The following LIN9 variants were observed in gnomAD, a reference collection of about 807,000 sequenced individuals.
LIN9 encodes the protein lin-9 DREAM MuvB core complex component, also known as protein lin-9 homolog.
LIN9 carries 18 observed loss-of-function variants against 78.0 expected under a neutral mutation model. The ratio of observed to expected loss-of-function variants is 0.23; its 90% CI spans 0.16 to 0.34. The LOEUF is 0.34. Among genes scored for constraint, LIN9 ranks in the 10% least tolerant of loss-of-function variants. LIN9 has a pLI of 1.00. For synonymous variants in LIN9, 192 were observed against 215.2 expected (o/e 0.89, Z 0.94); for missense variants, 451 against 644.1 (o/e 0.70, Z 3.25).
At chr1:226,263,693 T>C (rs1229580612) in intron 10 of LIN9, among the ~76,000 whole-genome samples, 2 of 152,208 alleles carry the variant, frequency 1.3e-5, no homozygotes, top group Non-Finnish European at 2.9e-5. Flanking sequence ...TTTGCTCTTA[T>C]CACATTTTCA....
At chr1:226,270,034 T>C (rs1660166682) in intron 7 of LIN9, among the ~76,000 whole-genome samples, 1 of 152,138 alleles carries the variant, frequency 6.6e-6, no homozygotes, top group South Asian at 2.1e-4. Flanking sequence ...GTGATTCTCC[T>C]GCCTCAGCCT....
Position 226,297,855 on chromosome 1 carries a change from C to T in LIN9, c.65-42G>A, listed in dbSNP as rs201936508. 2.0e-4 allele frequency: 228 copies of T among 1,131,238 alleles called. No homozygotes were observed. The African/African-American group carries it at 3.3e-3, about 16-fold the overall frequency. 70.1% of individuals were successfully genotyped at this position (1,131,238 alleles called of 1,614,324 possible). A position where few individuals can be genotyped will look rare whatever the true frequency, so the allele number is the denominator to read the frequency against. On this transcript the variant is annotated intron_variant, in intron 2 of 14. Transcript: ENST00000681046. ...ATACTAATGGAATTTTGGCTTAGTT[C>T]AAAGGATTTCATACCATGAATACTG... is the stretch of plus-strand genomic sequence containing the variant.
chr1:226,306,434 G>A (rs1027479708), intron 1 of LIN9, among the ~76,000 whole-genome samples: 9 of 152,202 alleles, frequency 5.9e-5, no homozygotes, highest in African/African-American at 2.2e-4. Context: ...AGAAGTATCT[G>A]TCCTGGGGTA....
chr1:226,260,256 T>C (rs549841873), intron 10 of LIN9, among the ~76,000 whole-genome samples: 146 of 152,284 alleles, frequency 9.6e-4, no homozygotes, highest in Non-Finnish European at 1.6e-3. Flanking sequence ...TACTAAACAT[T>C]TGAGGAAGAA....
At chr1:226,240,672 A>G (rs1466519927) in intron 11 of LIN9, among the ~76,000 whole-genome samples, 1 of 151,840 alleles carries the variant, frequency 6.6e-6, no homozygotes, top group East Asian at 1.9e-4. Flanking sequence ...TACAGGTGTG[A>G]GCCACCGCGC....
chr1:226,289,593 C>T (rs1166353417), intron 4 of LIN9, among the ~76,000 whole-genome samples: 1 of 152,034 alleles, frequency 6.6e-6, no homozygotes, highest in Non-Finnish European at 1.5e-5. Context: ...AACTCCTGGG[C>T]TCAAGCGATC....
At chr1:226,246,057 A>T (rs535961075) in intron 11 of LIN9, among the ~76,000 whole-genome samples, 20 of 152,222 alleles carry the variant, frequency 1.3e-4, no homozygotes, top group Non-Finnish European at 2.6e-4. Context: ...TCTATACTTT[A>T]AGTGCCACAA....
intron 3 of LIN9, among the ~76,000 whole-genome samples, chr1:226,296,676 C>T (rs1045917748): frequency 5.3e-5 from 8 of 152,072 alleles, no homozygotes; most frequent in African/African-American, 1.2e-4. Context: ...CAGGTGCAGG[C>T]GGCTAACAAC....
At chr1:226,243,648 A>T (rs897343450) in intron 11 of LIN9, among the ~76,000 whole-genome samples, 1 of 142,758 alleles carries the variant, frequency 7.0e-6, no homozygotes, top group Non-Finnish European at 1.5e-5. Context: ...GTAAGCCAAG[A>T]TTACAGCACT....
intron 3 of LIN9, among the ~76,000 whole-genome samples, chr1:226,296,971 C>T (rs934293601): frequency 5.3e-5 from 8 of 152,048 alleles, no homozygotes; most frequent in Non-Finnish European, 1.0e-4. Flanking sequence ...CCAGCCTGGG[C>T]GACAGAGCGA....
intron 6 of LIN9, among the ~76,000 whole-genome samples, chr1:226,285,392 TTTAA>T (rs1447083845): frequency 3.3e-5 from 5 of 152,148 alleles, no homozygotes; most frequent in African/African-American, 4.8e-5. Flanking sequence ...TTGATGACAG[TTTAA>T]TTAAAAGTTC....
chr1:226,309,456 C>T (rs1162937191), upstream of LIN9: 25 of 1,094,666 alleles, frequency 2.3e-5, no homozygotes, highest in Non-Finnish European at 2.8e-5. Flanking sequence ...TCCGGAGTCC[C>T]GCCCGGGCCC....
At chr1:226,289,079 T>C (rs1270549915) in intron 4 of LIN9, among the ~76,000 whole-genome samples, 2 of 151,828 alleles carry the variant, frequency 1.3e-5, no homozygotes, top group Non-Finnish European at 2.9e-5. Context: ...CTACTAAAAA[T>C]ACAAAAATTA....
At chr1:226,237,449 A>G in intron 12 of LIN9, among the ~76,000 whole-genome samples, 1 of 151,718 alleles carries the variant, frequency 6.6e-6, no homozygotes, top group Non-Finnish European at 1.5e-5. Context: ...CCTCATCAAC[A>G]TGGAGAAACC....
At chr1:226,239,494 A>G (rs1238655664) in intron 11 of LIN9, among the ~76,000 whole-genome samples, 1 of 152,244 alleles carries the variant, frequency 6.6e-6, no homozygotes, top group African/African-American at 2.4e-5. Flanking sequence ...CCTGGAATCA[A>G]TTCAGTATAG....
rs1037053675 is a variant in LIN9, at chr1:226,280,315, A to C, written c.525-2383T>G. Among the ~76,000 whole-genome samples the C allele has an allele frequency of 1.2e-4, 18 of 152,360 alleles. No homozygotes were observed. The South Asian group carries it at 1.2e-3, about 11-fold the overall frequency. On this transcript the variant is annotated intron_variant, in intron 6 of 14. Coordinates refer to ENST00000681046, the MANE Select transcript of LIN9 (RefSeq NM_001366245.2). ...CTGTATAAAGTGAATTGTTGTAAGCAATGATGAATAAGGACTGGAAATACA... is the reference window on the plus strand; with the variant it reads ...CTGTATAAAGTGAATTGTTGTAAGCCATGATGAATAAGGACTGGAAATACA...
At chr1:226,300,461 G>T (rs1662458445) in intron 2 of LIN9, among the ~76,000 whole-genome samples, 1 of 152,118 alleles carries the variant, frequency 6.6e-6, no homozygotes, top group Non-Finnish European at 1.5e-5. Context: ...TGAGGCAAGA[G>T]GATCACTTGA....
intron 7 of LIN9, among the ~76,000 whole-genome samples, chr1:226,276,421 T>A (rs1229592188): frequency 6.6e-6 from 1 of 152,216 alleles, no homozygotes; most frequent in Non-Finnish European, 1.5e-5. Flanking sequence ...AAGACAGAGA[T>A]CATATCATCT....
intron 11 of LIN9, among the ~76,000 whole-genome samples, chr1:226,243,956 C>A (rs1658293515): frequency 6.6e-6 from 1 of 151,188 alleles, no homozygotes; most frequent in Admixed American, 6.6e-5. Flanking sequence ...CTTACTGCAA[C>A]CTCCACCTCC....
Sources: gnomAD v4.1 joint callset for allele counts (sites outside exome capture counted in the v4.1 genomes callset) on GRCh38, gnomAD v4.1.1 for gene constraint, MANE v1.5 for transcripts, NCBI Gene and HGNC (gene_info 2026-07-23, HGNC 2026-07-21) for gene names.